Variants in PLCG1 observed in about 807,000 individuals in gnomAD.
PLCG1 encodes the protein phospholipase C gamma 1.
Under a neutral mutation model 177.8 loss-of-function variants are expected in PLCG1, and 71 were observed. The ratio of observed to expected loss-of-function variants is 0.40; its 90% CI spans 0.33 to 0.49. PLCG1 has a LOEUF of 0.49. Among genes scored for constraint, PLCG1 ranks in the 20% least tolerant of loss-of-function variants. The probability of loss-of-function intolerance (pLI) is 0.72; values close to 1 mark genes in which losing one functional copy is unlikely to be tolerated. For synonymous variants in PLCG1, 658 were observed against 647.9 expected, an observed-to-expected ratio of 1.02 and a Z score of -0.24; for missense variants, 1,281 against 1,709.0, an observed-to-expected ratio of 0.75 and a Z score of 4.42.
Position 41,176,414 on chromosome 20 carries a change from G to A in PLCG1, c.*1905G>A, listed in dbSNP as rs951845083. ...CTCATGATCCATGTTTCCTCTCTAG[G>A]TTTTTATGGCCTGGAGAGAAAGGTT... is the stretch of plus-strand genomic sequence containing the variant. On this transcript the variant is annotated 3_prime_UTR_variant, in exon 32 of 32. Coordinates refer to ENST00000685551, the MANE Select transcript of PLCG1 (RefSeq NM_002660.3). 3 of 152,174 alleles carry A rather than the reference G, an allele frequency of 2.0e-5. No homozygotes were observed. Among genetic ancestry groups the A allele is most frequent in the African/African-American group, 7.2e-5 (3 of 41,442 alleles). 9.4% of individuals were successfully genotyped at this position (152,174 alleles called of 1,614,324 possible). A position where few individuals can be genotyped will look rare whatever the true frequency, so the allele number is the denominator to read the frequency against.
At chr20:41,152,998 C>T (rs1012313666) in intron 1 of PLCG1, among the ~76,000 whole-genome samples, 4 of 152,316 alleles carry the variant, frequency 2.6e-5, no homozygotes, top group Middle Eastern at 6.8e-3. Flanking sequence ...CCCTGCCTTC[C>T]TCCAGTGCCC....
chr20:41,138,574 C>G (rs777897221), intron 1 of PLCG1, among the ~76,000 whole-genome samples: 16 of 151,746 alleles, frequency 1.1e-4, no homozygotes, highest in South Asian at 2.1e-4. Context: ...AGGGACTCCC[C>G]TTGCCCTGGG....
chr20:41,174,712 A>G lies in PLCG1; in HGVS notation c.*203A>G, dbSNP rs1372729601. 11 of 597,414 alleles carry G rather than the reference A, an allele frequency of 1.8e-5. No individual in the cohort carries two copies. Among genetic ancestry groups the G allele is most frequent in the Middle Eastern group, 4.2e-4 (1 of 2,382 alleles). The allele number at this position is 597,414 out of a possible 1,614,324, so 37.0% of individuals were successfully genotyped here. On this transcript the variant is annotated 3_prime_UTR_variant, in exon 32 of 32. Transcript: ENST00000685551. The surrounding 1 kb of genome is among the most constrained non-coding windows in gnomAD (Gnocchi z 5.8). The stretch of plus-strand genomic sequence containing the variant: ...TTGGGCCTCCATGCCCCAGCTCTGG[A>G]TGAAGGCAAAAACTGTACTGTGTTT...
rs779181134 is a variant in PLCG1, at chr20:41,172,807, G to T, written c.3209G>T (p.Arg1070Leu). 6.2e-7 allele frequency: 1 copy of T among 1,614,160 alleles called. No individual in the cohort carries two copies. Among genetic ancestry groups the T allele is most frequent in the Admixed American group, 1.7e-5 (1 of 60,028 alleles). The stretch of plus-strand genomic sequence containing the variant: ...TACGTGCTGCAGCCAAGCACCATGC[G>T]GGATGAGGCCTTCGACCCCTTTGAC... Reference protein sequence around the residue: ...CGYVLQPSTMRDEAFDPFDKS... With the variant: ...CGYVLQPSTMLDEAFDPFDKS... The change falls in exon 27 of 32, where the codon CGG (arginine) becomes CTG (leucine). Residue 1070 changes from arginine to leucine, a missense_variant. Physicochemically the swap from Arg to Leu is moderately radical, Grantham distance 102. Coordinates refer to ENST00000685551, the MANE Select transcript of PLCG1 (RefSeq NM_002660.3). This position sits in a 1 kb window ranked among gnomAD's most constrained non-coding sequence, Gnocchi z 7.0.
At position 41,174,123 on chromosome 20, in the gene PLCG1, G is replaced by A. The variant is rs142930499; in HGVS notation, c.3646-1G>A. On this transcript the variant is annotated splice_acceptor_variant, in intron 30 of 31. Coordinates refer to ENST00000685551, the MANE Select transcript of PLCG1 (RefSeq NM_002660.3). LOFTEE classifies it high-confidence loss of function. The surrounding 1 kb of genome is among the most constrained non-coding windows in gnomAD (Gnocchi z 5.8). Reference sequence around the variant, plus strand: ...CTCTTGTGCACCTGGCTTCGTTGAAGCAGGAGAATGGTGACCTCAGTCCCT... The same window carrying A: ...CTCTTGTGCACCTGGCTTCGTTGAAACAGGAGAATGGTGACCTCAGTCCCT... The A allele has an allele frequency of 4.0e-5, 64 of 1,612,810 alleles. 1 individual carries two copies. In the African/African-American group the frequency reaches 8.3e-4, roughly 21 times the overall value.
rs1408629913 is a variant in PLCG1, at chr20:41,159,912, C to G, written c.413C>G (p.Thr138Ser). ...DEVNMWIKGL[T>S]WLMEDTLQAP... The stretch of plus-strand genomic sequence containing the variant: ...GTGAACATGTGGATCAAGGGCTTAA[C>G]TTGGCTGATGGAGGATACATTGCAG... Residue 138 changes from threonine (T) to serine (S), a missense_variant, in exon 3 of 32, where the codon ACT (threonine) becomes AGT (serine). Transcript: ENST00000685551. This position sits in a 1 kb window ranked among gnomAD's most constrained non-coding sequence, Gnocchi z 6.0. 5.6e-6 allele frequency: 9 copies of G among 1,614,160 alleles called. No individual in the cohort carries two copies. Among genetic ancestry groups the G allele is most frequent in the Non-Finnish European group, 7.6e-6 (9 of 1,180,016 alleles).
chr20:41,168,644 A>G (rs896311203), intron 20 of PLCG1, 123 bp from the exon 21 acceptor site: 1 of 650,526 alleles, frequency 1.5e-6, no homozygotes, highest in Non-Finnish European at 2.8e-6. Flanking sequence ...TGGCAGTGTC[A>G]TCTCCCACTG....
intron 24 of PLCG1, 94 bp downstream of exon 24, chr20:41,170,363 G>A (rs1229861488): frequency 1.4e-6 from 2 of 1,392,376 alleles, no homozygotes; most frequent in Admixed American, 3.8e-5. Flanking sequence ...TCAGAGCAGT[G>A]GGGCAGCCGA....
In PLCG1 at chr20:41,163,214, G is replaced by A. The variant is rs759301572; in HGVS notation, c.728G>A (p.Arg243Gln). The A allele has an allele frequency of 2.7e-5, 41 of 1,545,192 alleles. No individual in the cohort carries two copies. Among genetic ancestry groups the A allele is most frequent in the South Asian group, 2.5e-5 (2 of 78,568 alleles). Reference sequence around the variant, plus strand: ...TTCTCTCCCTGCAGGGCTGGGGAGCGGCCGGAGCTTTGCCGAGTGTCCCTT... The same window carrying A: ...TTCTCTCCCTGCAGGGCTGGGGAGCAGCCGGAGCTTTGCCGAGTGTCCCTT... ...LEASTLRAGE[R>Q]PELCRVSLPE... Residue 243 changes from arginine (R) to glutamine (Q), a missense_variant, in exon 8 of 32, where the codon CGG (arginine) becomes CAG (glutamine). By Grantham distance (43) the Arg-to-Gln change is conservative. Coordinates refer to ENST00000685551, the MANE Select transcript of PLCG1 (RefSeq NM_002660.3). The surrounding 1 kb of genome is among the most constrained non-coding windows in gnomAD (Gnocchi z 5.2).
In PLCG1 at chr20:41,159,843, G is replaced by A; in HGVS notation, c.371-27G>A. ...GCCCAGTGGGAGGTATGTGCCCTCGGGGCAGCTATTGATACCTTGCTCACA... is the reference window on the plus strand; with the variant it reads ...GCCCAGTGGGAGGTATGTGCCCTCGAGGCAGCTATTGATACCTTGCTCACA... On this transcript the variant is annotated intron_variant, in intron 2 of 31. Coordinates refer to ENST00000685551, the MANE Select transcript of PLCG1 (RefSeq NM_002660.3). The surrounding 1 kb of genome is among the most constrained non-coding windows in gnomAD (Gnocchi z 6.0). The A allele has an allele frequency of 6.2e-7, 1 of 1,613,286 alleles. No individual in the cohort carries two copies. Among genetic ancestry groups the A allele is most frequent in the Non-Finnish European group, 8.5e-7 (1 of 1,179,224 alleles).
chr20:41,170,337 C>T, intron 24 of PLCG1, 68 bp downstream of exon 24: 1 of 1,558,784 alleles, frequency 6.4e-7, no homozygotes, highest in Non-Finnish European at 8.8e-7. Flanking sequence ...GCCTCCAGCT[C>T]CCAGCACAGG....
At chr20:41,149,380 G>T (rs35775485) in intron 1 of PLCG1, among the ~76,000 whole-genome samples, 2,845 of 152,298 alleles carry the variant, frequency 0.019, 30 homozygotes, top group Middle Eastern at 0.031. Flanking sequence ...GGGCTGGATT[G>T]GGGGCTGGTG....
rs1270549347 is a variant in PLCG1 at position 41,167,432 on chromosome 20, C to T, written c.2302-420C>T. On this transcript the variant is annotated intron_variant, in intron 19 of 31. Coordinates refer to ENST00000685551, the MANE Select transcript of PLCG1 (RefSeq NM_002660.3). This position sits in a 1 kb window ranked among gnomAD's most constrained non-coding sequence, Gnocchi z 4.4. Reference sequence around the variant, plus strand: ...GAGAGAGGCCTGTTGTCCACTGGCACCTGGGACTCAAGTGATGGAGAGGAG... The same window carrying T: ...GAGAGAGGCCTGTTGTCCACTGGCATCTGGGACTCAAGTGATGGAGAGGAG... 6.6e-6 allele frequency among the ~76,000 whole-genome samples: 1 copy of T among 152,024 alleles called. No individual in the cohort carries two copies. The highest frequency in any genetic ancestry group is 6.6e-5 in the Admixed American group (1 of 15,266).
rs377441585 is a variant in PLCG1, at chr20:41,170,102, G to A, written c.2651-10G>A. 25 of 1,603,376 alleles carry A rather than the reference G, an allele frequency of 1.6e-5. No homozygotes were observed. Among genetic ancestry groups the A allele is most frequent in the South Asian group, 7.8e-5 (7 of 89,696 alleles). ...CTATTCCCAGCTGTTATCTGCTCTC[G>A]CCCTCCCAGCCATCCGTCCTGAGGG... On this transcript the variant is annotated splice_polypyrimidine_tract_variant and intron_variant, in intron 23 of 31. Coordinates refer to ENST00000685551, the MANE Select transcript of PLCG1 (RefSeq NM_002660.3).
Position 41,174,288 on chromosome 20 carries a change from C to T in PLCG1, c.3810C>T (p.Asp1270=). The change falls in exon 31 of 32, where the codon GAC becomes GAT. Residue 1270 remains aspartate (D), a synonymous_variant. Coordinates refer to ENST00000685551, the MANE Select transcript of PLCG1 (RefSeq NM_002660.3). This position sits in a 1 kb window ranked among gnomAD's most constrained non-coding sequence, Gnocchi z 5.8. ...GCATCTCCCAGGAGCATCTCGCAGA[C>T]CATTTTGACAGTCGAGAACGAAGGT... ...DFRISQEHLA[D]HFDSRERRAP... 6.2e-7 allele frequency: 1 copy of T among 1,614,116 alleles called. No homozygotes were observed. The highest frequency in any genetic ancestry group is 8.5e-7 in the Non-Finnish European group (1 of 1,179,960).
At chr20:41,155,865 G>A (rs2146024337) in intron 1 of PLCG1, among the ~76,000 whole-genome samples, 1 of 152,290 alleles carries the variant, frequency 6.6e-6, no homozygotes, top group East Asian at 1.9e-4. Flanking sequence ...GTTTCCTGAT[G>A]GGGAAACTGA....
Position 41,162,988 on chromosome 20 carries a change from C to A in PLCG1, c.712C>A (p.Leu238Met). 1 of 1,614,022 alleles carries A rather than the reference C, an allele frequency of 6.2e-7. No homozygotes were observed. Residue 238 changes from leucine (L) to methionine (M), a missense_variant, in exon 7 of 32, where the codon CTG becomes ATG. This residue lies in a region of PLCG1 where 374 missense variants were observed against 443.8 expected (regional missense o/e 0.84). Coordinates refer to ENST00000685551, the MANE Select transcript of PLCG1 (RefSeq NM_002660.3). ...CCTCCCCTTCTTGGAAGCCAGTACT[C>A]TGAGGTTTGGTTTGGAGTGGGGAGG... ...MDLPFLEAST[L>M]RAGERPELCR...
rs2035680924 is a variant in PLCG1, at chr20:41,166,070, C to T, written c.1800-124C>T. On this transcript the variant is annotated intron_variant, in intron 16 of 31. Transcript: ENST00000685551. This position sits in a 1 kb window ranked among gnomAD's most constrained non-coding sequence, Gnocchi z 8.6. ...CATGTGACTGCCCACACCTGAGCTC[C>T]TCAGGAGATTGGCCTCCCTCCTTGA... The T allele has an allele frequency of 1.2e-6, 1 of 844,792 alleles. No homozygotes were observed. The highest frequency in any genetic ancestry group is 1.8e-6 in the Non-Finnish European group (1 of 541,404). The allele number at this position is 844,792 out of a possible 1,614,324, so 52.3% of individuals were successfully genotyped here. A position where few individuals can be genotyped will look rare whatever the true frequency, so the allele number is the denominator to read the frequency against.
intron 1 of PLCG1, among the ~76,000 whole-genome samples, chr20:41,154,502 C>T (rs2035259681): frequency 6.6e-6 from 1 of 152,198 alleles, no homozygotes; most frequent in South Asian, 2.1e-4. Context: ...TCTGCCGGGG[C>T]AACAGGAATA....
Sources: gnomAD v4.1 joint callset for allele counts (sites outside exome capture counted in the v4.1 genomes callset) on GRCh38, gnomAD v4.1.1 for gene constraint, gnomAD v4.1.1 regional missense constraint, Gnocchi (gnomAD v3.1) non-coding constraint, MANE v1.5 for transcripts, NCBI Gene and HGNC (gene_info 2026-07-23, HGNC 2026-07-21) for gene names.